DDX4: variants seen among roughly 807,000 people sequenced by gnomAD.
DDX4 encodes the protein probable ATP-dependent RNA helicase DDX4.
In DDX4, 25 loss-of-function variants were observed where a neutral mutation model predicts 100.0. The observed-to-expected ratio is 0.25, with a 90% CI of 0.18 to 0.35. The LOEUF is 0.35. Ranked by LOEUF, DDX4 falls within the 10% of genes least tolerant of loss-of-function variation. DDX4 has a pLI of 1.00. For synonymous variants in DDX4, 259 were observed against 275.7 expected (o/e 0.94, Z 0.60); for missense variants, 635 against 882.4 (o/e 0.72, Z 3.55).
At chr5:55,739,587 A>C (rs1758870194) in intron 2 of DDX4, among the ~76,000 whole-genome samples, 1 of 152,188 alleles carries the variant, frequency 6.6e-6, no homozygotes, top group Non-Finnish European at 1.5e-5. Context: ...TAAAAAGATG[A>C]ATAGAAGGTA....
intron 16 of DDX4, among the ~76,000 whole-genome samples, chr5:55,791,460 C>G (rs1447440046): frequency 6.6e-6 from 1 of 152,152 alleles, no homozygotes; most frequent in Non-Finnish European, 1.5e-5. Context: ...ACCAAAATCA[C>G]TTTGCAAGTG....
rs551001394 is a variant in DDX4 at position 55,740,734 on chromosome 5, G to C, written c.69+1702G>C. ...AGGGTTTCACTATGTTGGCCAGGCT[G>C]GTCTCAAACTCCTGACCTCAGGTGA... is the stretch of plus-strand genomic sequence containing the variant. On this transcript the variant is annotated intron_variant, in intron 2 of 21. Transcript: ENST00000505374. Among the ~76,000 whole-genome samples, 104 of 148,778 alleles carry C rather than the reference G, an allele frequency of 7.0e-4. 1 individual carries two copies. In the South Asian group the frequency reaches 0.021, roughly 30 times the overall value.
At chr5:55,749,733 CTGTT>C (rs1181263212) in intron 3 of DDX4, among the ~76,000 whole-genome samples, 1 of 150,574 alleles carries the variant, frequency 6.6e-6, no homozygotes, top group African/African-American at 2.4e-5. Context: ...TTGAAACAAG[CTGTT>C]TGTGGGAGGA....
At chr5:55,784,584 T>G (rs1306574861) in intron 10 of DDX4, among the ~76,000 whole-genome samples, 1 of 152,258 alleles carries the variant, frequency 6.6e-6, no homozygotes, top group Non-Finnish European at 1.5e-5. Context: ...TCCTGATTGG[T>G]AAGAGCAACT....
intron 18 of DDX4, among the ~76,000 whole-genome samples, chr5:55,805,657 C>T (rs1368842446): frequency 4.6e-5 from 7 of 152,246 alleles, no homozygotes; most frequent in African/African-American, 1.2e-4. Context: ...ACCAGCCTTG[C>T]ATCCCAGGGA....
chr5:55,814,893 C>G lies in DDX4; in HGVS notation c.1716-8C>G. The G allele has an allele frequency of 1.2e-6, 2 of 1,604,034 alleles. No individual in the cohort carries two copies. The highest frequency in any genetic ancestry group is 1.7e-6 in the Non-Finnish European group (2 of 1,174,386). On this transcript the variant is annotated splice_polypyrimidine_tract_variant and splice_region_variant and intron_variant, in intron 19 of 21. Coordinates refer to ENST00000505374, the MANE Select transcript of DDX4 (RefSeq NM_024415.3). The stretch of plus-strand genomic sequence containing the variant: ...TGGTTCTAATAACATGCTTTCTTTT[C>G]TTTCAAGTGATCGGGAACAGAGAGA...
chr5:55,814,917 G>C lies in DDX4; in HGVS notation c.1732G>C (p.Glu578Gln). Residue 578 changes from glutamate to glutamine, a missense_variant, in exon 20 of 22, where the codon GAG becomes CAG. Physicochemically the swap from Glu to Gln is conservative, Grantham distance 29. Around this residue, in one of 4 missense-constraint regions of DDX4, gnomAD observed 115 missense variants for 224.7 expected, o/e 0.51. Transcript: ENST00000505374. ...TCTTTCAAGTGATCGGGAACAGAGA[G>C]AGCGGGAGCAAGCTCTTGGAGATTT... ...TSIHGDREQREREQALGDFRF... is the reference protein window; with the variant it reads ...TSIHGDREQRQREQALGDFRF... 6.2e-7 allele frequency: 1 copy of C among 1,613,878 alleles called. No homozygotes were observed. The highest frequency in any genetic ancestry group is 8.5e-7 in the Non-Finnish European group (1 of 1,179,758).
intron 2 of DDX4, chr5:55,742,047 T>G (rs572867192): frequency 2.5e-6 from 1 of 398,066 alleles, no homozygotes; most frequent in East Asian, 7.3e-5. Flanking sequence ...TTTGTCATTG[T>G]TCTAGTATAA....
intron 15 of DDX4, among the ~76,000 whole-genome samples, chr5:55,789,234 G>A (rs1329526176): frequency 3.9e-5 from 6 of 152,126 alleles, no homozygotes; most frequent in East Asian, 1.9e-4. Context: ...TTTAGTTATC[G>A]CTGCCTAACA....
Position 55,815,141 on chromosome 5 carries a change from A to T in DDX4, c.1956A>T (p.Leu652Phe). 1 of 1,614,240 alleles carries T rather than the reference A, an allele frequency of 6.2e-7. No homozygotes were observed. The highest frequency in any genetic ancestry group is 1.7e-5 in the Admixed American group (1 of 60,032). ...TTGATCTTGAATCGGATAACCATTT[A>T]GCACAGCCTCTAGTAAAAGTATTGA... ...SFFDLESDNH[L>F]AQPLVKVLTD... Residue 652 changes from leucine to phenylalanine, a missense_variant, in exon 20 of 22, where the codon TTA becomes TTT. Transcript: ENST00000505374.
chr5:55,806,716 A>C (rs1743748632), intron 18 of DDX4, among the ~76,000 whole-genome samples: 1 of 152,142 alleles, frequency 6.6e-6, no homozygotes, highest in Non-Finnish European at 1.5e-5. Context: ...CTGTTCTTTA[A>C]CATTTGCTGA....
chr5:55,757,189 C>T (rs13170669), intron 3 of DDX4, among the ~76,000 whole-genome samples: 50,879 of 151,822 alleles, frequency 0.34, 9,330 homozygotes, highest in East Asian at 0.46. Context: ...AGTGGAGATT[C>T]GTGAGATTTT....
chr5:55,754,168 T>TTC (rs1759768885), intron 3 of DDX4, among the ~76,000 whole-genome samples: 1 of 149,670 alleles, frequency 6.7e-6, no homozygotes, highest in Admixed American at 6.6e-5. Context: ...CTTTATTTCC[T>TTC]TCTCCTGCCT....
rs530274184 is a variant in DDX4 at position 55,804,864 on chromosome 5, G to T, written c.1615+6293G>T. Among the ~76,000 whole-genome samples, 521 of 152,164 alleles carry T rather than the reference G, an allele frequency of 3.4e-3. 5 individuals are homozygous for T. The highest frequency in any genetic ancestry group is 0.034 in the Middle Eastern group (10 of 294). ...GGTTTTTCCAATTCTGTGAAGAAAGGCATTGGTAGCTTGATGGGGATGGCA... is the reference window on the plus strand; with the variant it reads ...GGTTTTTCCAATTCTGTGAAGAAAGTCATTGGTAGCTTGATGGGGATGGCA... On this transcript the variant is annotated intron_variant, in intron 18 of 21. Coordinates refer to ENST00000505374, the MANE Select transcript of DDX4 (RefSeq NM_024415.3).
intron 7 of DDX4, among the ~76,000 whole-genome samples, chr5:55,778,078 T>A (rs552302914): frequency 6.6e-6 from 1 of 152,290 alleles, no homozygotes; most frequent in East Asian, 1.9e-4. Context: ...GGAAAATATG[T>A]ACAATTTGAT....
At chr5:55,793,880 C>T (rs1473077640) in intron 17 of DDX4, among the ~76,000 whole-genome samples, 1 of 152,146 alleles carries the variant, frequency 6.6e-6, no homozygotes, top group Non-Finnish European at 1.5e-5. Context: ...TATATATTAC[C>T]TGTGAATCCT....
intron 17 of DDX4, among the ~76,000 whole-genome samples, chr5:55,797,046 G>T (rs1424671023): frequency 6.6e-6 from 1 of 151,738 alleles, no homozygotes; most frequent in East Asian, 1.9e-4. Context: ...GTTTCACCAT[G>T]TTGGCCAGAA....
At chr5:55,738,882 T>C (rs879542729) in intron 1 of DDX4, 68 bp from the exon 2 acceptor site, 10 of 928,030 alleles carry the variant, frequency 1.1e-5, no homozygotes, top group Non-Finnish European at 1.7e-5. Context: ...ACAATGAGTT[T>C]ATGCTTTTAA....
intron 7 of DDX4, among the ~76,000 whole-genome samples, chr5:55,772,856 A>T (rs1741336620): frequency 6.6e-6 from 1 of 152,058 alleles, no homozygotes; most frequent in Non-Finnish European, 1.5e-5. Context: ...AGCCAAATAA[A>T]CCTTTTTTTT....
Sources: gnomAD v4.1 joint callset for allele counts (sites outside exome capture counted in the v4.1 genomes callset) on GRCh38, gnomAD v4.1.1 for gene constraint, gnomAD v4.1.1 regional missense constraint, MANE v1.5 for transcripts, NCBI Gene and HGNC (gene_info 2026-07-23, HGNC 2026-07-21) for gene names.